Variants in RUNX1 observed in about 807,000 individuals in gnomAD.
RUNX1 encodes runt-related transcription factor 1.
RUNX1 carries 19 observed loss-of-function variants against 42.8 expected under a neutral mutation model. The ratio of observed to expected loss-of-function variants is 0.44; its 90% CI spans 0.31 to 0.65. RUNX1 has a LOEUF of 0.65. Among genes scored for constraint, RUNX1 ranks in the 30% least tolerant of loss-of-function variants. The pLI is 0.07. For missense variants in RUNX1, 528 were observed against 672.0 expected (o/e 0.79, Z 2.37); for synonymous variants, 271 against 289.4 (o/e 0.94, Z 0.64).
At chr21:34,839,951 G>A (rs1164382752) in intron 6 of RUNX1, among the ~76,000 whole-genome samples, 1 of 152,122 alleles carries the variant, frequency 6.6e-6, no homozygotes, top group Non-Finnish European at 1.5e-5. Context: ...GCCTCCTTTT[G>A]GTGATAACTA....
At chr21:34,877,543 G>A (rs2057832217) in intron 5 of RUNX1, among the ~76,000 whole-genome samples, 1 of 152,058 alleles carries the variant, frequency 6.6e-6, no homozygotes, top group Non-Finnish European at 1.5e-5. Flanking sequence ...ACATTCCAAG[G>A]GTGAGATACA....
At chr21:34,980,823 G>T (rs1464953137) in intron 2 of RUNX1, among the ~76,000 whole-genome samples, 3 of 152,122 alleles carry the variant, frequency 2.0e-5, no homozygotes, top group Non-Finnish European at 2.9e-5. Context: ...ATGGAAAAAT[G>T]GACAAGAAGA....
intron 5 of RUNX1, among the ~76,000 whole-genome samples, chr21:34,874,139 C>T (rs768582143): frequency 1.1e-4 from 17 of 151,858 alleles, no homozygotes; most frequent in Non-Finnish European, 1.0e-4. Context: ...CTCTCTCTCT[C>T]TCTCTCCCCC....
intron 6 of RUNX1, among the ~76,000 whole-genome samples, chr21:34,847,321 G>A (rs1385108802): frequency 6.6e-6 from 1 of 151,942 alleles, no homozygotes; most frequent in Non-Finnish European, 1.5e-5. Flanking sequence ...CTAAAAGTAT[G>A]GATTCACAGT....
chr21:34,950,591 G>A (rs1164257785), intron 2 of RUNX1, among the ~76,000 whole-genome samples: 1 of 152,156 alleles, frequency 6.6e-6, no homozygotes, highest in Admixed American at 6.5e-5. Flanking sequence ...ACAAAAATTA[G>A]CTGCGCATGG....
chr21:34,833,030 G>A lies in RUNX1; in HGVS notation c.805+1380C>T, dbSNP rs2146063475. ...ACCTTCCCCAGAAACCTAACAGTGAGAGCTAATGGCATGGGCTGTCAAGCT... is the reference window on the plus strand; with the variant it reads ...ACCTTCCCCAGAAACCTAACAGTGAAAGCTAATGGCATGGGCTGTCAAGCT... On this transcript the variant is annotated intron_variant, in intron 7 of 8. Transcript: ENST00000675419. The A allele has an allele frequency of 2.0e-5, 3 of 152,354 alleles. No homozygotes were observed. In the South Asian group the frequency reaches 6.2e-4, roughly 32 times the overall value. 9.4% of individuals were successfully genotyped at this position (152,354 alleles called of 1,614,324 possible).
chr21:34,951,072 G>GTA (rs1438124183), intron 2 of RUNX1, among the ~76,000 whole-genome samples: 1 of 152,224 alleles, frequency 6.6e-6, no homozygotes, highest in East Asian at 1.9e-4. Flanking sequence ...AAGTGACAAG[G>GTA]TATGCGTGTT....
chr21:35,037,202 C>T (rs1467319125), intron 2 of RUNX1, among the ~76,000 whole-genome samples: 2 of 152,190 alleles, frequency 1.3e-5, no homozygotes, highest in South Asian at 2.1e-4. Context: ...AACAACTGGT[C>T]GGTCAGGAAG....
At chr21:34,853,289 C>G (rs1357171642) in intron 6 of RUNX1, among the ~76,000 whole-genome samples, 1 of 151,998 alleles carries the variant, frequency 6.6e-6, no homozygotes, top group East Asian at 1.9e-4. Flanking sequence ...GCAGCCCTGC[C>G]GGGGAAAACA....
rs1026294277 is a variant in RUNX1, at chr21:34,865,965, G to A, written c.509-6387C>T. Among the ~76,000 whole-genome samples the A allele has an allele frequency of 5.9e-5, 9 of 152,308 alleles. No individual in the cohort carries two copies. In the South Asian group the frequency reaches 1.0e-3, roughly 18 times the overall value. On this transcript the variant is annotated intron_variant, in intron 5 of 8. Transcript: ENST00000675419. ...CCTCCTATAACACCCCGTGTCTGAC[G>A]GGCGAGCCCCGACTCCTGTTGTGAC...
At chr21:35,000,342 G>A (rs1033148692) in intron 2 of RUNX1, among the ~76,000 whole-genome samples, 9 of 147,076 alleles carry the variant, frequency 6.1e-5, no homozygotes, top group African/African-American at 2.3e-4. Context: ...CCGGGTTCAC[G>A]CCATTCTCCT....
intron 2 of RUNX1, among the ~76,000 whole-genome samples, chr21:34,940,086 G>T (rs2058515518): frequency 6.6e-6 from 1 of 152,142 alleles, no homozygotes. Context: ...AATCATGTTA[G>T]TTTTTTCTGG....
At chr21:34,976,227 C>A (rs1168630022) in intron 2 of RUNX1, among the ~76,000 whole-genome samples, 1 of 151,992 alleles carries the variant, frequency 6.6e-6, no homozygotes, top group Non-Finnish European at 1.5e-5. Flanking sequence ...AAAGCTCTTG[C>A]TTACATTTTG....
chr21:35,015,096 C>T (rs984294946), intron 2 of RUNX1, among the ~76,000 whole-genome samples: 6 of 152,170 alleles, frequency 3.9e-5, no homozygotes, highest in South Asian at 2.1e-4. Flanking sequence ...TGAATAAGCG[C>T]GGAGATGCTG....
chr21:34,936,230 CT>C lies in RUNX1; in HGVS notation c.59-43268del, dbSNP rs2058484009. Among the ~76,000 whole-genome samples the C allele has an allele frequency of 2.0e-5, 3 of 152,048 alleles. No individual in the cohort carries two copies. The South Asian group carries it at 6.2e-4, about 32-fold the overall frequency. On this transcript the variant is annotated intron_variant, in intron 2 of 8. Transcript: ENST00000675419. ...ACAAGCTGCCATGTTCGTTTCCCCC[CT>C]CATATTCATTTGTGATAACTACTTA... is the stretch of plus-strand genomic sequence containing the variant.
intron 1 of RUNX1, 101 bp from the exon 2 acceptor site, chr21:35,049,059 C>T: frequency 1.5e-6 from 1 of 676,774 alleles, no homozygotes; most frequent in Admixed American, 2.3e-5. Flanking sequence ...TGGGACTCCC[C>T]AAGCCCTATT....
At chr21:34,900,120 AAT>A (rs2058165803) in intron 2 of RUNX1, among the ~76,000 whole-genome samples, 4 of 152,272 alleles carry the variant, frequency 2.6e-5, no homozygotes, top group Admixed American at 6.5e-5. Context: ...AATAAATTTT[AAT>A]ATGTTTTATT....
intron 5 of RUNX1, among the ~76,000 whole-genome samples, chr21:34,863,458 A>G (rs1601479972): frequency 6.6e-6 from 1 of 152,148 alleles, no homozygotes; most frequent in Non-Finnish European, 1.5e-5. Context: ...TAAACCACAG[A>G]CTAACCTATA....
At chr21:35,043,574 G>A (rs2059375429) in intron 2 of RUNX1, among the ~76,000 whole-genome samples, 1 of 152,206 alleles carries the variant, frequency 6.6e-6, no homozygotes, top group Non-Finnish European at 1.5e-5. Flanking sequence ...GATTTGTGAT[G>A]TGTTTTATGG....
Sources: allele counts gnomAD v4.1 joint callset (sites outside exome capture counted in the v4.1 genomes callset), GRCh38; gene constraint gnomAD v4.1.1; transcripts MANE v1.5; gene names NCBI Gene and HGNC (gene_info 2026-07-23, HGNC 2026-07-21).